The following VPS13B variants were observed in gnomAD, a reference collection of about 807,000 sequenced individuals.
VPS13B encodes intermembrane lipid transfer protein VPS13B.
VPS13B carries 285 observed loss-of-function variants against 426.4 expected under a neutral mutation model. The ratio of observed to expected loss-of-function variants is 0.67; its 90% CI spans 0.61 to 0.74. The LOEUF (loss-of-function observed/expected upper bound fraction) is 0.74. Among genes scored for constraint, VPS13B ranks in the 30% least tolerant of loss-of-function variants. VPS13B has a pLI of 0.00. For synonymous variants in VPS13B, 1,676 were observed against 1,676.4 expected, an observed-to-expected ratio of 1.00 and a Z score of 0.01; for missense variants, 4,537 against 4,782.6, an observed-to-expected ratio of 0.95 and a Z score of 1.51.
intron 6 of VPS13B, among the ~76,000 whole-genome samples, chr8:99,115,057 A>G (rs1388646500): frequency 6.6e-6 from 1 of 152,152 alleles, no homozygotes; most frequent in Admixed American, 6.5e-5. Context: ...TGTCATTTAA[A>G]TCTTATCTAC....
chr8:99,111,025 A>T (rs1847334953), intron 5 of VPS13B, 73 bp from the exon 6 acceptor site: 1 of 1,179,536 alleles, frequency 8.5e-7, no homozygotes. Flanking sequence ...ATTACTATTT[A>T]TACTAATAAA....
chr8:99,075,692 G>T (rs1405744189), intron 3 of VPS13B, among the ~76,000 whole-genome samples: 1 of 152,128 alleles, frequency 6.6e-6, no homozygotes, highest in Non-Finnish European at 1.5e-5. Flanking sequence ...ATAGTCTCTA[G>T]TGACCCTTTG....
At position 99,649,224 on chromosome 8, in the gene VPS13B, T is replaced by A. The variant is rs186452606; in HGVS notation, c.5908+6726T>A. Reference sequence around the variant, plus strand: ...TCTTTGATTCTATCCTGTGTGGGGTTCTCTGATCTTCTTGACTGTAAATTT... The same window carrying A: ...TCTTTGATTCTATCCTGTGTGGGGTACTCTGATCTTCTTGACTGTAAATTT... On this transcript the variant is annotated intron_variant, in intron 34 of 61. Coordinates refer to ENST00000357162, the MANE Select transcript of VPS13B (RefSeq NM_152564.5). 3.9e-4 allele frequency among the ~76,000 whole-genome samples: 60 copies of A among 152,246 alleles called. 1 individual carries two copies. In the East Asian group the frequency reaches 0.011, roughly 27 times the overall value.
At chr8:99,673,142 T>C (rs1311509094) in intron 35 of VPS13B, among the ~76,000 whole-genome samples, 1 of 152,126 alleles carries the variant, frequency 6.6e-6, no homozygotes, top group Non-Finnish European at 1.5e-5. Flanking sequence ...TACTGGCTTA[T>C]AGAATAAATT....
intron 19 of VPS13B, among the ~76,000 whole-genome samples, chr8:99,349,828 T>A (rs1057233051): frequency 6.6e-6 from 1 of 152,222 alleles, no homozygotes; most frequent in South Asian, 2.1e-4. Context: ...TGTTAATTTA[T>A]TTCAGTATAT....
At chr8:99,245,278 A>G (rs1430965809) in intron 17 of VPS13B, among the ~76,000 whole-genome samples, 1 of 151,996 alleles carries the variant, frequency 6.6e-6, no homozygotes, top group Non-Finnish European at 1.5e-5. Context: ...GATATTAAAA[A>G]CTCATATGAA....
rs1419710977 is a variant in VPS13B, at chr8:99,875,435, G to C, written c.11763G>C (p.Glu3921Asp). ...ACDVEVDGVR[E>D]RLSEQQYNRL... The stretch of plus-strand genomic sequence containing the variant: ...GATCCTAGGTAGATGGAGTCCGAGA[G>C]AGACTGTCAGAGCAACAGTACAACA... The change falls in exon 62 of 62, where the codon GAG becomes GAC. Residue 3921 changes from glutamate (E) to aspartate (D), a missense_variant. This residue lies in a region of VPS13B where 4,311 missense variants were observed against 4,474.3 expected (regional missense o/e 0.96). Transcript: ENST00000357162. 1 of 1,614,052 alleles carries C rather than the reference G, an allele frequency of 6.2e-7. No individual in the cohort carries two copies. The highest frequency in any genetic ancestry group is 1.3e-5 in the African/African-American group (1 of 74,932).
At chr8:99,875,104 CAAT>C in intron 61 of VPS13B, 1 of 373,336 alleles carries the variant, frequency 2.7e-6, no homozygotes, top group Non-Finnish European at 5.0e-6. Context: ...TGCTAAAGAA[CAAT>C]GACAGATGTT....
At chr8:99,827,268 C>T (rs369103519) in intron 51 of VPS13B, among the ~76,000 whole-genome samples, 2 of 152,134 alleles carry the variant, frequency 1.3e-5, no homozygotes, top group African/African-American at 4.8e-5. Flanking sequence ...ATCTATTCAG[C>T]GATTTGACTT....
intron 33 of VPS13B, 67 bp from the exon 34 acceptor site, chr8:99,641,744 A>T: frequency 1.4e-6 from 2 of 1,450,894 alleles, no homozygotes. Context: ...ACATGTTTAT[A>T]TAACATTGTT....
chr8:99,147,975 C>A lies in VPS13B; in HGVS notation c.1978C>A (p.Leu660Met). 1.2e-6 allele frequency: 2 copies of A among 1,613,416 alleles called. No homozygotes were observed. The highest frequency in any genetic ancestry group is 1.7e-6 in the Non-Finnish European group (2 of 1,179,728). Reference protein sequence around the residue: ...CTISMAEFNLLDHLLPVIMGE... With the variant: ...CTISMAEFNLMDHLLPVIMGE... ...AATTTCCATGGCTGAATTCAACTTGCTGGACCATTTACTACCTGTCATTAT... is the reference window on the plus strand; with the variant it reads ...AATTTCCATGGCTGAATTCAACTTGATGGACCATTTACTACCTGTCATTAT... The change falls in exon 14 of 62, where the codon CTG becomes ATG. Residue 660 changes from leucine (L) to methionine (M), a missense_variant. Leu to Met is a conservative substitution (Grantham distance 15). Coordinates refer to ENST00000357162, the MANE Select transcript of VPS13B (RefSeq NM_152564.5).
intron 28 of VPS13B, among the ~76,000 whole-genome samples, chr8:99,508,435 A>C (rs894609747): frequency 6.6e-6 from 1 of 152,156 alleles, no homozygotes; most frequent in Non-Finnish European, 1.5e-5. Flanking sequence ...ACATCTGGAT[A>C]TGTTCTTAAG....
chr8:99,476,597 TA>T (rs1449746490), intron 24 of VPS13B, among the ~76,000 whole-genome samples: 1 of 152,084 alleles, frequency 6.6e-6, no homozygotes, highest in Non-Finnish European at 1.5e-5. Flanking sequence ...TATGATACCT[TA>T]CGTTCAGGGG....
At chr8:99,681,463 C>T (rs1469530933) in intron 35 of VPS13B, among the ~76,000 whole-genome samples, 1 of 152,164 alleles carries the variant, frequency 6.6e-6, no homozygotes, top group African/African-American at 2.4e-5. Context: ...TAACGTACGT[C>T]TTGTACAGAG....
At chr8:99,335,169 T>G (rs887042194) in intron 19 of VPS13B, among the ~76,000 whole-genome samples, 1 of 152,204 alleles carries the variant, frequency 6.6e-6, no homozygotes, top group Admixed American at 6.5e-5. Flanking sequence ...TATTCTCTGA[T>G]GATAGTTTGT....
rs142669851 is a variant in VPS13B, at chr8:99,534,200, A to T, written c.4745+13190A>T. ...TGATTTAGTTGAAGGCTTTGCATTT[A>T]CATTTGGCCCTCACCAAAGTAACTG... On this transcript the variant is annotated intron_variant, in intron 30 of 61. Coordinates refer to ENST00000357162, the MANE Select transcript of VPS13B (RefSeq NM_152564.5). Among the ~76,000 whole-genome samples, 792 of 152,290 alleles carry T rather than the reference A, an allele frequency of 5.2e-3. 5 individuals carry two copies. Among genetic ancestry groups the T allele is most frequent in the African/African-American group, 0.018 (735 of 41,574 alleles).
At chr8:99,722,792 C>T (rs1484678963) in intron 39 of VPS13B, among the ~76,000 whole-genome samples, 1 of 152,180 alleles carries the variant, frequency 6.6e-6, no homozygotes, top group African/African-American at 2.4e-5. Context: ...CAGGCGTGAG[C>T]CACCGTGCCC....
chr8:99,193,731 G>A (rs1005593306), intron 17 of VPS13B, among the ~76,000 whole-genome samples: 11 of 152,016 alleles, frequency 7.2e-5, no homozygotes, highest in Non-Finnish European at 1.6e-4. Flanking sequence ...AAAATAAAGC[G>A]ACTTTTGTTC....
chr8:99,829,812 T>C (rs1422156767), intron 51 of VPS13B, among the ~76,000 whole-genome samples: 1 of 152,250 alleles, frequency 6.6e-6, no homozygotes, highest in Non-Finnish European at 1.5e-5. Context: ...ATGTTGATGC[T>C]ATTGCTTTCT....
Sources: allele counts gnomAD v4.1 joint callset (sites outside exome capture counted in the v4.1 genomes callset), GRCh38; gene constraint gnomAD v4.1.1; regional missense constraint gnomAD v4.1.1; transcripts MANE v1.5; gene names NCBI Gene and HGNC (gene_info 2026-07-23, HGNC 2026-07-21).